The following RAPGEF1 variants were observed in gnomAD, a reference collection of about 807,000 sequenced individuals.
RAPGEF1 encodes CRK SH3-binding GNRP.
RAPGEF1 carries 33 observed loss-of-function variants against 143.3 expected under a neutral mutation model. The ratio of observed to expected loss-of-function variants is 0.23; its 90% CI spans 0.17 to 0.31. The LOEUF (loss-of-function observed/expected upper bound fraction) is 0.31, where lower values mean the gene tolerates loss of function less well. Among genes scored for constraint, RAPGEF1 ranks in the 10% least tolerant of loss-of-function variants. The probability of loss-of-function intolerance (pLI) is 1.00; values close to 1 mark genes in which losing one functional copy is unlikely to be tolerated. For missense variants in RAPGEF1, 1,199 were observed against 1,645.4 expected, an observed-to-expected ratio of 0.73 and a Z score of 4.69; for synonymous variants, 629 against 676.5, an observed-to-expected ratio of 0.93 and a Z score of 1.09.
rs1159533101 is a variant in RAPGEF1, at chr9:131,675,931, T to C, written c.62-24982A>G. Among the ~76,000 whole-genome samples the C allele has an allele frequency of 3.3e-5, 5 of 151,706 alleles. No homozygotes were observed. The highest frequency in any genetic ancestry group is 7.4e-5 in the Non-Finnish European group (5 of 67,938). On this transcript the variant is annotated intron_variant, in intron 1 of 26. Transcript: ENST00000683357. This position sits in a 1 kb window ranked among gnomAD's most constrained non-coding sequence, Gnocchi z 4.6. Reference sequence around the variant, plus strand: ...CTCAGTCTTTTTTTTTTTTTTAATCTCGCCCTGTGGCCCAGGCTGGAGTGT... The same window carrying C: ...CTCAGTCTTTTTTTTTTTTTTAATCCCGCCCTGTGGCCCAGGCTGGAGTGT...
chr9:131,630,842 A>G (rs1964645293), intron 5 of RAPGEF1, among the ~76,000 whole-genome samples: 1 of 152,172 alleles, frequency 6.6e-6, no homozygotes, highest in Non-Finnish European at 1.5e-5. Flanking sequence ...ATAACCCAGC[A>G]AAGAAATCAC....
At position 131,589,915 on chromosome 9, in the gene RAPGEF1, G is replaced by A. The variant is rs1953906147; in HGVS notation, c.2838C>T (p.Phe946=). The change falls in exon 19 of 27, where the codon TTC becomes TTT. Residue 946 remains phenylalanine, a synonymous_variant. Transcript: ENST00000683357. ...FKKRVSKNTF[F]VLVRVVDELC... ...GCTCATCCACCACCCGTACCAGCAC[G>A]AAGAACGTGTTCTTGCTGACGCGCT... 6.2e-6 allele frequency: 10 copies of A among 1,613,916 alleles called. No homozygotes were observed. The highest frequency in any genetic ancestry group is 1.1e-5 in the South Asian group (1 of 91,066).
At chr9:131,720,888 T>G (rs1391435082) in intron 1 of RAPGEF1, among the ~76,000 whole-genome samples, 1 of 152,244 alleles carries the variant, frequency 6.6e-6, no homozygotes, top group African/African-American at 2.4e-5. Context: ...ACAAAAATAC[T>G]AATATCCCTT....
intron 1 of RAPGEF1, among the ~76,000 whole-genome samples, chr9:131,678,021 T>C (rs1421523146): frequency 1.3e-5 from 2 of 152,188 alleles, no homozygotes; most frequent in African/African-American, 2.4e-5. Flanking sequence ...TAATAATTAA[T>C]AGAACATACT....
chr9:131,613,708 C>T (rs749268690), intron 12 of RAPGEF1, among the ~76,000 whole-genome samples: 11 of 152,122 alleles, frequency 7.2e-5, no homozygotes, highest in Non-Finnish European at 7.4e-5. Context: ...TCAGGGAGCC[C>T]AGGGTCTGGT....
At chr9:131,717,225 A>G (rs1350300997) in intron 1 of RAPGEF1, among the ~76,000 whole-genome samples, 1 of 152,112 alleles carries the variant, frequency 6.6e-6, no homozygotes, top group East Asian at 1.9e-4. Context: ...TGACAGAGCC[A>G]CTCACTGCTG....
chr9:131,618,772 G>A (rs1959688802), intron 12 of RAPGEF1, among the ~76,000 whole-genome samples: 1 of 152,178 alleles, frequency 6.6e-6, no homozygotes, highest in African/African-American at 2.4e-5. Flanking sequence ...GCGAGATTGG[G>A]ATAAAAAGGC....
intron 1 of RAPGEF1, among the ~76,000 whole-genome samples, chr9:131,695,160 C>A (rs1013870441): frequency 6.6e-6 from 1 of 152,168 alleles, no homozygotes; most frequent in African/African-American, 2.4e-5. Flanking sequence ...CATGTCTAAT[C>A]AATGTTCATT....
intron 1 of RAPGEF1, among the ~76,000 whole-genome samples, chr9:131,691,507 A>ATC (rs1833778132): frequency 6.6e-6 from 1 of 152,292 alleles, no homozygotes; most frequent in East Asian, 1.9e-4. Context: ...CCCTCATCAG[A>ATC]TCTCTAATCA....
Position 131,626,065 on chromosome 9 carries a change from G to C in RAPGEF1, c.1559C>G (p.Pro520Arg). ...LQSTAPIPSV[P>R]YAPFAAILPF... ...CAGAATAGCAGCAAAGGGCGCGTAG[G>C]GGACGGATGGGATCGGGGCTGTGCT... is the stretch of plus-strand genomic sequence containing the variant. Residue 520 changes from proline (P) to arginine (R), a missense_variant, in exon 10 of 27, where the codon CCC (proline) becomes CGC (arginine). Pro to Arg is a moderately radical substitution (Grantham distance 103, BLOSUM62 -2). Coordinates refer to ENST00000683357, the MANE Select transcript of RAPGEF1 (RefSeq NM_001377935.1). The C allele has an allele frequency of 1.2e-6, 2 of 1,613,854 alleles. No homozygotes were observed. Among genetic ancestry groups the C allele is most frequent in the Non-Finnish European group, 1.7e-6 (2 of 1,179,738 alleles).
chr9:131,668,177 C>T (rs982178209), intron 1 of RAPGEF1, among the ~76,000 whole-genome samples: 6 of 152,122 alleles, frequency 3.9e-5, no homozygotes, highest in South Asian at 2.1e-4. Flanking sequence ...CTGCCAGAGA[C>T]GTGAAGAGAA....
At chr9:131,612,637 G>A (rs1436505981) in intron 12 of RAPGEF1, among the ~76,000 whole-genome samples, 3 of 152,156 alleles carry the variant, frequency 2.0e-5, no homozygotes, top group Non-Finnish European at 4.4e-5. Flanking sequence ...GTTATCCCGA[G>A]GGTCGCAGTG....
intron 12 of RAPGEF1, among the ~76,000 whole-genome samples, chr9:131,609,037 G>A (rs1957579336): frequency 1.3e-5 from 2 of 152,092 alleles, no homozygotes; most frequent in Non-Finnish European, 2.9e-5. Flanking sequence ...AAGACTGTTT[G>A]GGCTGAGGAT....
intron 9 of RAPGEF1, among the ~76,000 whole-genome samples, chr9:131,627,251 G>GAAAAAAAAA (rs1963475789): frequency 7.1e-6 from 1 of 140,500 alleles, no homozygotes; most frequent in African/African-American, 2.7e-5. Context: ...AGAAACAATT[G>GAAAAAAAAA]AGAATACTAT....
At chr9:131,738,908 T>A (rs1371593141) in intron 1 of RAPGEF1, among the ~76,000 whole-genome samples, 2 of 152,114 alleles carry the variant, frequency 1.3e-5, no homozygotes, top group African/African-American at 4.8e-5. Flanking sequence ...TTTCCCTCAT[T>A]CAGCCGCCAA....
chr9:131,580,495 A>T, intron 25 of RAPGEF1, 104 bp from the exon 26 acceptor site: 2 of 1,322,784 alleles, frequency 1.5e-6, no homozygotes, highest in South Asian at 1.5e-5. Context: ...CAGCTTCCAA[A>T]CCCCAGAGCA....
intron 1 of RAPGEF1, among the ~76,000 whole-genome samples, chr9:131,716,503 T>C (rs1003392518): frequency 3.9e-5 from 6 of 152,224 alleles, no homozygotes; most frequent in African/African-American, 1.4e-4. Context: ...CTATGGCTCA[T>C]GCCTGTAATC....
At position 131,739,920 on chromosome 9, in the gene RAPGEF1, G is replaced by C. The variant is rs1349679909; in HGVS notation, c.-90C>G. ...GCTCGCCACGCCTCAGACCCGCGCC[G>C]GCATGGCGGGCTCCGCGCGGCCGCG... is the stretch of plus-strand genomic sequence containing the variant. On this transcript the variant is annotated 5_prime_UTR_variant, in exon 1 of 27. Coordinates refer to ENST00000683357, the MANE Select transcript of RAPGEF1 (RefSeq NM_001377935.1). 1.6e-5 allele frequency: 12 copies of C among 752,582 alleles called. No individual in the cohort carries two copies. The highest frequency in any genetic ancestry group is 1.8e-5 in the Non-Finnish European group (11 of 620,464). The allele number at this position is 752,582 out of a possible 1,614,324, so 46.6% of individuals were successfully genotyped here. A position where few individuals can be genotyped will look rare whatever the true frequency, so the allele number is the denominator to read the frequency against.
In RAPGEF1 at chr9:131,579,259, T is replaced by C. The variant is rs976280492; in HGVS notation, c.*238A>G. The C allele has an allele frequency of 2.7e-5, 14 of 518,534 alleles. No homozygotes were observed. Among genetic ancestry groups the C allele is most frequent in the Admixed American group, 3.6e-5 (1 of 28,036 alleles). 32.1% of individuals were successfully genotyped at this position (518,534 alleles called of 1,614,324 possible). A position where few individuals can be genotyped will look rare whatever the true frequency, so the allele number is the denominator to read the frequency against. ...AACCAGAAAACCACCGGTTTGTAAA[T>C]TGGCAACAAGACCTGCCTGCTGGCT... is the stretch of plus-strand genomic sequence containing the variant. On this transcript the variant is annotated 3_prime_UTR_variant, in exon 27 of 27. Coordinates refer to ENST00000683357, the MANE Select transcript of RAPGEF1 (RefSeq NM_001377935.1).
Sources: gnomAD v4.1 joint callset for allele counts (sites outside exome capture counted in the v4.1 genomes callset) on GRCh38, gnomAD v4.1.1 for gene constraint, Gnocchi (gnomAD v3.1) non-coding constraint, MANE v1.5 for transcripts, NCBI Gene and HGNC (gene_info 2026-07-23, HGNC 2026-07-21) for gene names.